MYRIP: variants seen among roughly 807,000 people sequenced by gnomAD.
The protein encoded by MYRIP is rab effector MyRIP.
Under a neutral mutation model 98.0 loss-of-function variants are expected in MYRIP, and 49 were observed. The observed-to-expected ratio is 0.50, with a 90% CI of 0.40 to 0.63. The LOEUF (loss-of-function observed/expected upper bound fraction) is 0.63. MYRIP is among the 30% of genes least tolerant of loss of function. The pLI is 0.00. For synonymous variants in MYRIP, 404 were observed against 409.5 expected (o/e 0.99, Z 0.16); for missense variants, 1,004 against 1,058.2 (o/e 0.95, Z 0.71).
At chr3:39,984,765 T>C (rs916391757) in intron 2 of MYRIP, among the ~76,000 whole-genome samples, 1 of 152,006 alleles carries the variant, frequency 6.6e-6, no homozygotes, top group East Asian at 1.9e-4. Flanking sequence ...CTGGGTCAAA[T>C]GGTATTTCCA....
intron 1 of MYRIP, among the ~76,000 whole-genome samples, chr3:39,828,655 A>G (rs1941344747): frequency 6.6e-6 from 1 of 152,118 alleles, no homozygotes. Context: ...CCAAGTCCCC[A>G]AAGCCTATTG....
intron 1 of MYRIP, among the ~76,000 whole-genome samples, chr3:39,843,266 A>C (rs1213855901): frequency 6.6e-6 from 1 of 152,228 alleles, no homozygotes; most frequent in African/African-American, 2.4e-5. Flanking sequence ...TGAGCATAAT[A>C]ATTTATTTTA....
intron 11 of MYRIP, among the ~76,000 whole-genome samples, chr3:40,212,225 TACACACACACAC>T (rs766775104): frequency 1.3e-5 from 1 of 76,912 alleles, no homozygotes; most frequent in African/African-American, 3.8e-5. Flanking sequence ...TATATATATA[TACACACACACAC>T]ACACACACAT....
intron 11 of MYRIP, among the ~76,000 whole-genome samples, chr3:40,216,430 G>C (rs1038648595): frequency 6.6e-6 from 1 of 152,040 alleles, no homozygotes. Flanking sequence ...AAACATCTCT[G>C]GGTAGAAAAT....
At chr3:40,132,284 G>A (rs1383074595) in intron 3 of MYRIP, among the ~76,000 whole-genome samples, 1 of 152,100 alleles carries the variant, frequency 6.6e-6, no homozygotes, top group African/African-American at 2.4e-5. Context: ...ACAGAAGAGA[G>A]GTTTACTCTG....
At chr3:39,888,947 A>G (rs1315180919) in intron 1 of MYRIP, among the ~76,000 whole-genome samples, 4 of 152,222 alleles carry the variant, frequency 2.6e-5, no homozygotes. Context: ...ATCACTGGCC[A>G]TCAGAGAAAT....
At chr3:40,168,488 A>T (rs1189971031) in intron 7 of MYRIP, among the ~76,000 whole-genome samples, 1 of 152,258 alleles carries the variant, frequency 6.6e-6, no homozygotes, top group East Asian at 1.9e-4. Context: ...TGCTGCACTG[A>T]ACACACACCG....
chr3:39,986,436 T>TTCTCTCCCTCTC (rs761387598), intron 2 of MYRIP, among the ~76,000 whole-genome samples: 4 of 149,002 alleles, frequency 2.7e-5, no homozygotes, highest in East Asian at 3.9e-4. Context: ...CTCTGTCTCT[T>TTCTCTCCCTCTC]TCTCTCCCTC....
chr3:39,850,836 A>G (rs1309869931), intron 1 of MYRIP, among the ~76,000 whole-genome samples: 1 of 152,228 alleles, frequency 6.6e-6, no homozygotes, highest in Non-Finnish European at 1.5e-5. Context: ...AGAGAGAGCA[A>G]AGAGGATCAT....
chr3:39,865,911 G>T (rs865887370), intron 1 of MYRIP, among the ~76,000 whole-genome samples: 2 of 152,104 alleles, frequency 1.3e-5, no homozygotes, highest in African/African-American at 2.4e-5. Context: ...CAAAGTCATG[G>T]ACTCAACCTA....
chr3:39,886,682 C>T (rs1943312563), intron 1 of MYRIP, among the ~76,000 whole-genome samples: 1 of 151,850 alleles, frequency 6.6e-6, no homozygotes, highest in South Asian at 2.1e-4. Context: ...CATCCAGATT[C>T]ATAAAGCAAG....
At chr3:39,967,932 G>GT (rs1945480624) in intron 2 of MYRIP, among the ~76,000 whole-genome samples, 1 of 152,070 alleles carries the variant, frequency 6.6e-6, no homozygotes, top group Non-Finnish European at 1.5e-5. Flanking sequence ...TAATGGGGTT[G>GT]TTTTTCTCTT....
chr3:39,951,710 C>CA, intron 2 of MYRIP, among the ~76,000 whole-genome samples: 1 of 152,174 alleles, frequency 6.6e-6, no homozygotes, highest in East Asian at 1.9e-4. Flanking sequence ...ATGGACCATA[C>CA]AAAAACAGGT....
intron 11 of MYRIP, among the ~76,000 whole-genome samples, chr3:40,232,330 G>A (rs1575662675): frequency 6.6e-6 from 1 of 152,318 alleles, no homozygotes. Context: ...GAAGCCCAGA[G>A]TCAGCTTCTG....
chr3:39,991,979 C>T (rs749117167), intron 2 of MYRIP, among the ~76,000 whole-genome samples: 6 of 152,120 alleles, frequency 3.9e-5, no homozygotes, highest in Non-Finnish European at 8.8e-5. Flanking sequence ...CCAAAATAAG[C>T]TTGTCACTCA....
At chr3:40,000,671 T>G (rs1489058595) in intron 2 of MYRIP, among the ~76,000 whole-genome samples, 1 of 152,128 alleles carries the variant, frequency 6.6e-6, no homozygotes, top group Non-Finnish European at 1.5e-5. Context: ...TTTGTGAGTC[T>G]TAATTTTATG....
chr3:39,872,941 T>G (rs1006780871), intron 1 of MYRIP, among the ~76,000 whole-genome samples: 10 of 152,228 alleles, frequency 6.6e-5, no homozygotes, highest in African/African-American at 2.4e-4. Context: ...TGAACTAGTT[T>G]ACAGTCCCCC....
chr3:40,164,008 C>G lies in MYRIP; in HGVS notation c.550+1198C>G, dbSNP rs1251437577. On this transcript the variant is annotated intron_variant, in intron 5 of 16. Transcript: ENST00000302541. ...CGGAAATGCCCAGCCTTGATCTCAT[C>G]CCAGAGTTCTACACTCAGATTTCTA... 2.0e-5 allele frequency among the ~76,000 whole-genome samples: 3 copies of G among 152,028 alleles called. No individual in the cohort carries two copies. In the East Asian group the frequency reaches 5.9e-4, roughly 30 times the overall value.
intron 3 of MYRIP, among the ~76,000 whole-genome samples, chr3:40,066,145 G>A (rs1331177791): frequency 6.6e-6 from 1 of 152,164 alleles, no homozygotes; most frequent in African/African-American, 2.4e-5. Flanking sequence ...GAGAAATAGA[G>A]GTGGGAGGAG....
Sources: gnomAD v4.1 joint callset for allele counts (sites outside exome capture counted in the v4.1 genomes callset) on GRCh38, gnomAD v4.1.1 for gene constraint, MANE v1.5 for transcripts, NCBI Gene and HGNC (gene_info 2026-07-23, HGNC 2026-07-21) for gene names.